The following PIP5K1A variants were observed in gnomAD, a reference collection of about 807,000 sequenced individuals.
PIP5K1A encodes phosphatidylinositol 4-phosphate 5-kinase type-1 alpha.
PIP5K1A carries 46 observed loss-of-function variants against 72.9 expected under a neutral mutation model. The observed-to-expected ratio is 0.63, with a 90% confidence interval of 0.50 to 0.81. The LOEUF is 0.81. Ranked by LOEUF, PIP5K1A falls within the 30% of genes least tolerant of loss-of-function variation. The pLI, the probability that PIP5K1A is intolerant of heterozygous loss-of-function variation, is 0.00. For synonymous variants in PIP5K1A, 228 were observed against 255.1 expected (o/e 0.89, Z 1.01); for missense variants, 458 against 706.1 (o/e 0.65, Z 3.98).
At chr1:151,236,843 T>TA in intron 9 of PIP5K1A, 80 bp downstream of exon 9, 2 of 936,050 alleles carry the variant, frequency 2.1e-6, no homozygotes, top group Non-Finnish European at 3.1e-6. Flanking sequence ...TTTTTTTTTT[T>TA]AGTTTCACTC....
chr1:151,205,456 G>A (rs1012788875), intron 1 of PIP5K1A, among the ~76,000 whole-genome samples: 1 of 151,920 alleles, frequency 6.6e-6, no homozygotes, highest in East Asian at 2.0e-4. Context: ...GATTACAGGC[G>A]TGAGCTACTG....
intron 1 of PIP5K1A, among the ~76,000 whole-genome samples, chr1:151,202,805 C>G (rs1685390347): frequency 7.4e-6 from 1 of 134,254 alleles, no homozygotes; most frequent in Non-Finnish European, 1.6e-5. Context: ...GGGAGTCTCT[C>G]TCTGTCGCCC....
chr1:151,218,080 G>C (rs929918859), intron 1 of PIP5K1A, among the ~76,000 whole-genome samples: 1 of 152,046 alleles, frequency 6.6e-6, no homozygotes, highest in African/African-American at 2.4e-5. Flanking sequence ...GTGCCTGGCA[G>C]TGTTAAAATT....
intron 1 of PIP5K1A, among the ~76,000 whole-genome samples, chr1:151,206,189 AT>A (rs1685903027): frequency 6.6e-6 from 1 of 151,590 alleles, no homozygotes; most frequent in African/African-American, 2.4e-5. Flanking sequence ...AACTGTCTCC[AT>A]TTTTCTTTAT....
intron 12 of PIP5K1A, 35 bp from the exon 13 acceptor site, chr1:151,242,088 A>T: frequency 6.2e-7 from 1 of 1,609,914 alleles, no homozygotes. Context: ...TTGCTAAGGT[A>T]GTTGCTAAGT....
chr1:151,230,819 C>T (rs1172379977), intron 4 of PIP5K1A, among the ~76,000 whole-genome samples: 1 of 152,234 alleles, frequency 6.6e-6, no homozygotes, highest in Non-Finnish European at 1.5e-5. Flanking sequence ...GGATTAGAGG[C>T]GTGAGCCTCC....
rs115291041 is a variant in PIP5K1A, at chr1:151,237,587, G to A, written c.1146-595G>A. Among the ~76,000 whole-genome samples, 297 of 152,140 alleles carry A rather than the reference G, an allele frequency of 2.0e-3. 2 individuals are homozygous for A. Among genetic ancestry groups the A allele is most frequent in the African/African-American group, 6.8e-3 (283 of 41,490 alleles). On this transcript the variant is annotated intron_variant, in intron 9 of 15. Transcript: ENST00000368888. ...ATGAGGCAGAATTGCTTGAGCCCAG[G>A]AGGTCAAGGCTGCAGTGAGCCACTG...
At chr1:151,236,096 G>A (rs1690808261) in intron 8 of PIP5K1A, among the ~76,000 whole-genome samples, 1 of 150,016 alleles carries the variant, frequency 6.7e-6, no homozygotes, top group East Asian at 1.9e-4. Flanking sequence ...ACTCCAGCCT[G>A]GCGACAAAGC....
chr1:151,226,318 C>T (rs1009984647), intron 3 of PIP5K1A, among the ~76,000 whole-genome samples: 5 of 151,912 alleles, frequency 3.3e-5, no homozygotes, highest in African/African-American at 1.2e-4. Context: ...AACTCCTGAC[C>T]TCGTGATCCA....
intron 1 of PIP5K1A, among the ~76,000 whole-genome samples, chr1:151,218,260 T>C (rs587593940): frequency 1.3e-5 from 2 of 152,296 alleles, no homozygotes; most frequent in South Asian, 4.1e-4. Context: ...AAAAGAAAGG[T>C]ACTTTCATAT....
At chr1:151,228,126 G>C (rs1203692908) in intron 4 of PIP5K1A, among the ~76,000 whole-genome samples, 1 of 151,378 alleles carries the variant, frequency 6.6e-6, no homozygotes, top group African/African-American at 2.4e-5. Flanking sequence ...CAATAGGTCA[G>C]ACTTTTTTTT....
chr1:151,221,666 C>T (rs1688417612), intron 1 of PIP5K1A, among the ~76,000 whole-genome samples: 1 of 152,156 alleles, frequency 6.6e-6, no homozygotes, highest in African/African-American at 2.4e-5. Context: ...GTATGGATTA[C>T]AAAACGATAA....
In PIP5K1A at chr1:151,236,563, G is replaced by T. The variant is rs114714218; in HGVS notation, c.945G>T (p.Leu315=). 2,256 of 1,584,200 alleles carry T rather than the reference G, an allele frequency of 1.4e-3. 29 individuals carry two copies. The African/African-American group carries it at 0.026, about 18-fold the overall frequency. The stretch of plus-strand genomic sequence containing the variant: ...TGTTTTTTTCCTTCCATTAGGTGCT[G>T]CAGAGCTTCAAGATAATGGATTACA... ...CKTLQRDCLV[L]QSFKIMDYSL... Residue 315 remains leucine (L), a synonymous_variant, in exon 9 of 16, where the codon CTG becomes CTT. Transcript: ENST00000368888.
chr1:151,217,637 A>G (rs1289901033), intron 1 of PIP5K1A, among the ~76,000 whole-genome samples: 3 of 152,182 alleles, frequency 2.0e-5, no homozygotes, highest in Admixed American at 1.3e-4. Flanking sequence ...GCTGGAGTGC[A>G]GTGGCATGAT....
In PIP5K1A at chr1:151,248,235, A is replaced by G; in HGVS notation, c.*370A>G. 1 of 321,466 alleles carries G rather than the reference A, an allele frequency of 3.1e-6. No individual in the cohort carries two copies. Among genetic ancestry groups the G allele is most frequent in the Non-Finnish European group, 5.9e-6 (1 of 170,188 alleles). 19.9% of individuals were successfully genotyped at this position (321,466 alleles called of 1,614,324 possible). A position where few individuals can be genotyped will look rare whatever the true frequency, so the allele number is the denominator to read the frequency against. On this transcript the variant is annotated 3_prime_UTR_variant, in exon 16 of 16. Transcript: ENST00000368888. Reference sequence around the variant, plus strand: ...GCAGCTTTCTTTCCCCTCGTCTTTGACTAGGAACCGGACTCTTAATTTCCT... The same window carrying G: ...GCAGCTTTCTTTCCCCTCGTCTTTGGCTAGGAACCGGACTCTTAATTTCCT...
At chr1:151,208,397 G>A (rs1686263641) in intron 1 of PIP5K1A, among the ~76,000 whole-genome samples, 1 of 134,036 alleles carries the variant, frequency 7.5e-6, no homozygotes, top group Admixed American at 8.6e-5. Context: ...GTCTCACTCT[G>A]TCGCCTAGGC....
upstream of PIP5K1A, among the ~76,000 whole-genome samples, chr1:151,197,053 G>A (rs1684616192): frequency 1.3e-5 from 2 of 148,368 alleles, no homozygotes; most frequent in South Asian, 4.2e-4. Context: ...GTAGAGACGC[G>A]GTTTCACTAT....
At chr1:151,239,073 T>C in intron 10 of PIP5K1A, 57 bp from the exon 11 acceptor site, 3 of 1,273,380 alleles carry the variant, frequency 2.4e-6, no homozygotes, top group Non-Finnish European at 3.4e-6. Context: ...AATATAAAGT[T>C]ATTAAGGTCA....
rs587639118 is a variant in PIP5K1A at position 151,223,662 on chromosome 1, G to A, written c.86-583G>A. Among the ~76,000 whole-genome samples, 602 of 141,142 alleles carry A rather than the reference G, an allele frequency of 4.3e-3. 9 individuals are homozygous for A. Among genetic ancestry groups the A allele is most frequent in the Middle Eastern group, 0.012 (3 of 244 alleles). The allele number at this position is 141,142 out of a possible 152,430, so 92.6% of individuals were successfully genotyped here. A position where few individuals can be genotyped will look rare whatever the true frequency, so the allele number is the denominator to read the frequency against. The stretch of plus-strand genomic sequence containing the variant: ...TCTGTCTCAAAAAAAAAAAAAAAGC[G>A]ACAGAGCGAGACTCCATCTAAAAAA... On this transcript the variant is annotated intron_variant, in intron 1 of 15. Coordinates refer to ENST00000368888, the MANE Select transcript of PIP5K1A (RefSeq NM_001135638.2).
Sources: allele counts gnomAD v4.1 joint callset (sites outside exome capture counted in the v4.1 genomes callset), GRCh38; gene constraint gnomAD v4.1.1; transcripts MANE v1.5; gene names NCBI Gene and HGNC (gene_info 2026-07-23, HGNC 2026-07-21).